Variants in PREX2 observed in about 807,000 individuals in gnomAD.
The protein encoded by PREX2 is phosphatidylinositol 3,4,5-trisphosphate-dependent Rac exchanger 2 protein.
A neutral mutation model predicts 203.2 loss-of-function variants in PREX2; 107 were observed. The ratio of observed to expected loss-of-function variants is 0.53; its 90% CI spans 0.45 to 0.62. PREX2 has a LOEUF of 0.62. Ranked by LOEUF, PREX2 falls within the 20% of genes least tolerant of loss-of-function variation. The probability of loss-of-function intolerance (pLI) is 0.00; values close to 1 mark genes in which losing one functional copy is unlikely to be tolerated. For missense variants in PREX2, 1,777 were observed against 1,955.9 expected (o/e 0.91, Z 1.72); for synonymous variants, 672 against 663.6 (o/e 1.01, Z -0.19).
intron 1 of PREX2, among the ~76,000 whole-genome samples, chr8:67,978,416 A>G (rs1217228866): frequency 6.6e-6 from 1 of 152,196 alleles, no homozygotes; most frequent in African/African-American, 2.4e-5. Context: ...GACTTCCAGC[A>G]CCATAGATTG....
intron 10 of PREX2, among the ~76,000 whole-genome samples, chr8:68,060,421 C>G (rs889053028): frequency 2.0e-5 from 3 of 152,124 alleles, no homozygotes; most frequent in African/African-American, 7.2e-5. Context: ...TTATTAGAGG[C>G]CTCAACAAGT....
At chr8:68,147,212 A>C (rs1253196420) in intron 34 of PREX2, among the ~76,000 whole-genome samples, 1 of 152,220 alleles carries the variant, frequency 6.6e-6, no homozygotes, top group Non-Finnish European at 1.5e-5. Context: ...ATGCTCTAAT[A>C]AAAAATGAGA....
intron 31 of PREX2, among the ~76,000 whole-genome samples, chr8:68,132,569 T>C (rs990225920): frequency 9.2e-5 from 14 of 152,156 alleles, no homozygotes; most frequent in Non-Finnish European, 1.5e-4. Context: ...AACTAAATTA[T>C]GTGTACACAT....
intron 6 of PREX2, among the ~76,000 whole-genome samples, 175 bp downstream of exon 6, chr8:68,030,833 G>A (rs1273533671): frequency 1.3e-5 from 2 of 152,168 alleles, no homozygotes; most frequent in Non-Finnish European, 2.9e-5. Context: ...TATCTTTAAG[G>A]TGGTGGTTAA....
rs1015934953 is a variant in PREX2 at position 68,157,357 on chromosome 8, A to T, written c.4267A>T (p.Asn1423Tyr). 1 of 1,612,026 alleles carries T rather than the reference A, an allele frequency of 6.2e-7. No individual in the cohort carries two copies. The highest frequency in any genetic ancestry group is 1.3e-5 in the African/African-American group (1 of 74,990). ...ESMEGYYYRD[N>Y]VSVEEFQAQI... ...CATGGAAGGATATTATTACAGAGAC[A>T]ATGTTTCTGTGGAAGAATTTCAAGC... The change falls in exon 35 of 40, where the codon AAT becomes TAT. Residue 1423 changes from asparagine (N) to tyrosine (Y), a missense_variant. Transcript: ENST00000288368.
chr8:68,054,370 AC>A (rs74274960), intron 9 of PREX2, among the ~76,000 whole-genome samples: 27 of 124,698 alleles, frequency 2.2e-4, no homozygotes, highest in African/African-American at 8.5e-4. Context: ...AGAGAAAAAA[AC>A]AAAACAAAAT....
At chr8:68,119,349 T>C in intron 27 of PREX2, 83 bp from the exon 28 acceptor site, 1 of 854,342 alleles carries the variant, frequency 1.2e-6, no homozygotes, top group Middle Eastern at 2.3e-4. Context: ...TTTTACATTT[T>C]ATTGAATATT....
chr8:68,218,351 C>CT (rs1207035941), intron 38 of PREX2, among the ~76,000 whole-genome samples: 1 of 152,050 alleles, frequency 6.6e-6, no homozygotes, highest in Non-Finnish European at 1.5e-5. Context: ...GTTTTTACCC[C>CT]TTAAAGTTAT....
intron 18 of PREX2, among the ~76,000 whole-genome samples, chr8:68,086,534 A>G (rs1809697542): frequency 6.6e-6 from 1 of 152,084 alleles, no homozygotes; most frequent in South Asian, 2.1e-4. Flanking sequence ...ATCACAATTT[A>G]TTGCGTTGTA....
At chr8:68,178,682 C>A (rs1812028917) in intron 35 of PREX2, among the ~76,000 whole-genome samples, 1 of 152,052 alleles carries the variant, frequency 6.6e-6, no homozygotes, top group Admixed American at 6.6e-5. Context: ...TAGTTTCTTG[C>A]TTGGTAATAT....
chr8:68,019,241 C>T (rs537976582), intron 2 of PREX2, among the ~76,000 whole-genome samples: 1 of 152,334 alleles, frequency 6.6e-6, no homozygotes, highest in African/African-American at 2.4e-5. Context: ...AGCATAGATG[C>T]CCTTTCCAGA....
chr8:68,189,990 T>C (rs1042809713), intron 35 of PREX2, among the ~76,000 whole-genome samples: 1 of 152,216 alleles, frequency 6.6e-6, no homozygotes, highest in African/African-American at 2.4e-5. Flanking sequence ...GCTTGAATAA[T>C]CCATGTTACT....
intron 35 of PREX2, among the ~76,000 whole-genome samples, chr8:68,179,646 A>G (rs1205058815): frequency 6.6e-6 from 1 of 152,154 alleles, no homozygotes; most frequent in African/African-American, 2.4e-5. Context: ...CTGACTCCTG[A>G]GTACTAGATG....
intron 35 of PREX2, among the ~76,000 whole-genome samples, chr8:68,170,721 A>G (rs1023774493): frequency 1.3e-5 from 2 of 152,184 alleles, no homozygotes; most frequent in Non-Finnish European, 2.9e-5. Flanking sequence ...TATCCCCTCC[A>G]TTCACCATTC....
intron 1 of PREX2, among the ~76,000 whole-genome samples, chr8:68,003,009 A>G (rs1429484203): frequency 6.6e-6 from 1 of 152,238 alleles, no homozygotes; most frequent in Non-Finnish European, 1.5e-5. Flanking sequence ...TAATAATTAC[A>G]GTTAATTTTT....
intron 1 of PREX2, among the ~76,000 whole-genome samples, chr8:68,001,449 T>C (rs1333983692): frequency 6.6e-6 from 1 of 152,184 alleles, no homozygotes; most frequent in African/African-American, 2.4e-5. Context: ...AAATAACAGA[T>C]GCTGTTGTGG....
rs770349756 is a variant in PREX2 at position 68,138,472 on chromosome 8, G to A, written c.4042G>A (p.Val1348Ile). 1.2e-6 allele frequency: 2 copies of A among 1,606,092 alleles called. No homozygotes were observed. Among genetic ancestry groups the A allele is most frequent in the Non-Finnish European group, 1.7e-6 (2 of 1,175,616 alleles). The change falls in exon 33 of 40, where the codon GTT becomes ATT. Residue 1348 changes from valine (V) to isoleucine (I), a missense_variant. Transcript: ENST00000288368. The stretch of plus-strand genomic sequence containing the variant: ...GGTTGCACTATTTGATTTGGAAAAG[G>A]TTTCCTTTTACTTTAAACCATCAGA... ...TLVALFDLEK[V>I]SFYFKPSEEE...
chr8:68,205,199 C>A (rs1457980195), intron 37 of PREX2, among the ~76,000 whole-genome samples: 1 of 152,140 alleles, frequency 6.6e-6, no homozygotes, highest in Non-Finnish European at 1.5e-5. Context: ...TTTTGAATTG[C>A]AGTTGTTAGC....
At chr8:68,216,785 A>T (rs112611157) in intron 37 of PREX2, among the ~76,000 whole-genome samples, 1 of 151,840 alleles carries the variant, frequency 6.6e-6, no homozygotes, top group Non-Finnish European at 1.5e-5. Flanking sequence ...GTGAAACCCC[A>T]TATCTACTAA....
Sources: allele counts gnomAD v4.1 joint callset (sites outside exome capture counted in the v4.1 genomes callset), GRCh38; gene constraint gnomAD v4.1.1; transcripts MANE v1.5; gene names NCBI Gene and HGNC (gene_info 2026-07-23, HGNC 2026-07-21).